TBCK: variants seen among roughly 807,000 people sequenced by gnomAD.
The protein encoded by TBCK is TBC domain-containing protein kinase-like protein.
Under a neutral mutation model 113.4 loss-of-function variants are expected in TBCK, and 99 were observed. The observed-to-expected ratio is 0.87, with a 90% CI of 0.74 to 1.03. TBCK has a LOEUF of 1.03. Among genes scored for constraint, TBCK ranks in the 50% least tolerant of loss-of-function variants. The pLI is 0.00. For missense variants in TBCK, 1,045 were observed against 1,061.3 expected, an observed-to-expected ratio of 0.98 and a Z score of 0.21; for synonymous variants, 369 against 370.8, an observed-to-expected ratio of 1.00 and a Z score of 0.05.
chr4:106,202,492 G>A (rs766858064), intron 20 of TBCK, among the ~76,000 whole-genome samples: 3 of 151,734 alleles, frequency 2.0e-5, no homozygotes, highest in Non-Finnish European at 4.4e-5. Flanking sequence ...TAGATTTTTT[G>A]TTGTTTTTTT....
intron 20 of TBCK, among the ~76,000 whole-genome samples, chr4:106,196,294 G>C (rs1426751548): frequency 6.6e-6 from 1 of 151,652 alleles, no homozygotes; most frequent in Non-Finnish European, 1.5e-5. Flanking sequence ...TAAAAGTAGA[G>C]TAAAAATCTC....
rs186759017 is a variant in TBCK at position 106,101,465 on chromosome 4, T to G, written c.2412-5824A>C. Among the ~76,000 whole-genome samples the G allele has an allele frequency of 1.7e-3, 258 of 152,310 alleles. 2 individuals carry two copies. The highest frequency in any genetic ancestry group is 5.9e-3 in the African/African-American group (244 of 41,560). ...ATCAGTATCTGTCCTGCTCTGCTCA[T>G]GAGTATCTTTAAATTGCTTTGAAGA... On this transcript the variant is annotated intron_variant, in intron 24 of 25. Transcript: ENST00000394708.
intron 23 of TBCK, among the ~76,000 whole-genome samples, chr4:106,156,569 G>A (rs1321462468): frequency 1.3e-5 from 2 of 152,168 alleles, no homozygotes; most frequent in Non-Finnish European, 2.9e-5. Flanking sequence ...GGCTAAGCTG[G>A]CACTCAAATC....
At chr4:106,073,977 A>C (rs570349862) in intron 25 of TBCK, among the ~76,000 whole-genome samples, 1 of 152,314 alleles carries the variant, frequency 6.6e-6, no homozygotes, top group East Asian at 1.9e-4. Context: ...GGAAAAGTGC[A>C]GTATTAAGCT....
intron 20 of TBCK, among the ~76,000 whole-genome samples, chr4:106,195,013 T>C (rs1754058754): frequency 6.6e-6 from 1 of 152,100 alleles, no homozygotes; most frequent in Non-Finnish European, 1.5e-5. Context: ...AATGCTGAGC[T>C]GTAACCAATC....
At chr4:106,197,405 G>GTA (rs1226611535) in intron 20 of TBCK, among the ~76,000 whole-genome samples, 3 of 105,880 alleles carry the variant, frequency 2.8e-5, no homozygotes, top group Non-Finnish European at 6.5e-5. Flanking sequence ...GTGTGTGTGT[G>GTA]TGTGTGTATA....
intron 23 of TBCK, among the ~76,000 whole-genome samples, chr4:106,131,841 C>T (rs1745975582): frequency 6.6e-6 from 1 of 152,106 alleles, no homozygotes; most frequent in Admixed American, 6.6e-5. Context: ...CAATAAGGTC[C>T]AGGCTGAGGT....
chr4:106,288,352 C>T (rs1765330633), intron 3 of TBCK, among the ~76,000 whole-genome samples: 1 of 151,990 alleles, frequency 6.6e-6, no homozygotes, highest in African/African-American at 2.4e-5. Context: ...TGAGATCGTA[C>T]CACCGCACTC....
chr4:106,298,089 T>C (rs1432370186), intron 2 of TBCK, among the ~76,000 whole-genome samples: 1 of 152,214 alleles, frequency 6.6e-6, no homozygotes, highest in African/African-American at 2.4e-5. Context: ...TACTCTATTC[T>C]ACATTTTAAT....
intron 10 of TBCK, among the ~76,000 whole-genome samples, chr4:106,246,438 T>TGATACG (rs1380674380): frequency 1.3e-5 from 2 of 152,188 alleles, no homozygotes; most frequent in Non-Finnish European, 2.9e-5. Flanking sequence ...GTCTAAAAGC[T>TGATACG]GATATTCTCT....
chr4:106,062,554 G>A (rs1736170793), intron 25 of TBCK, among the ~76,000 whole-genome samples: 1 of 151,826 alleles, frequency 6.6e-6, no homozygotes. Flanking sequence ...TAAAAACTGA[G>A]ATTCAAAAAA....
At chr4:106,213,404 C>G (rs1448908871) in intron 19 of TBCK, 1 of 155,984 alleles carries the variant, frequency 6.4e-6, no homozygotes, top group African/African-American at 2.4e-5. Flanking sequence ...TCTACAGCTC[C>G]CAGCCTGAGC....
At chr4:106,186,675 T>C (rs1753060844) in intron 22 of TBCK, among the ~76,000 whole-genome samples, 1 of 152,314 alleles carries the variant, frequency 6.6e-6, no homozygotes, top group African/African-American at 2.4e-5. Flanking sequence ...TCCCATTTTG[T>C]AGGTTGTCTG....
intron 19 of TBCK, among the ~76,000 whole-genome samples, chr4:106,217,670 A>G (rs1757127313): frequency 6.6e-6 from 1 of 150,730 alleles, no homozygotes; most frequent in Non-Finnish European, 1.5e-5. Context: ...AGGGATGTGA[A>G]GGACCTCTTC....
At chr4:106,178,875 TGATGG>T (rs966918281) in intron 22 of TBCK, among the ~76,000 whole-genome samples, 4 of 151,964 alleles carry the variant, frequency 2.6e-5, no homozygotes. Flanking sequence ...GACTTTTCTT[TGATGG>T]GAGACTTTTT....
At chr4:106,285,803 G>A (rs1765055788) in intron 3 of TBCK, among the ~76,000 whole-genome samples, 1 of 152,158 alleles carries the variant, frequency 6.6e-6, no homozygotes, top group Admixed American at 6.5e-5. Flanking sequence ...TCTTGCAGGT[G>A]CAGGTGCTTA....
upstream of TBCK, chr4:106,316,466 T>G: frequency 7.3e-7 from 1 of 1,365,136 alleles, no homozygotes; most frequent in East Asian, 2.5e-5. Flanking sequence ...GAGGGTTGAA[T>G]CTGTAGAACA....
chr4:106,127,297 C>T (rs1745344227), intron 23 of TBCK, among the ~76,000 whole-genome samples: 1 of 148,488 alleles, frequency 6.7e-6, no homozygotes, highest in Non-Finnish European at 1.5e-5. Context: ...GGAAAATAGG[C>T]AAAATAATTT....
intron 25 of TBCK, among the ~76,000 whole-genome samples, chr4:106,074,960 G>A (rs1471121136): frequency 6.6e-6 from 1 of 152,164 alleles, no homozygotes; most frequent in South Asian, 2.1e-4. Flanking sequence ...CAGAGCTCCC[G>A]ACTGGTTAAC....
Sources: gnomAD v4.1 joint callset for allele counts (sites outside exome capture counted in the v4.1 genomes callset) on GRCh38, gnomAD v4.1.1 for gene constraint, MANE v1.5 for transcripts, NCBI Gene and HGNC (gene_info 2026-07-23, HGNC 2026-07-21) for gene names.